Variants in CBLB observed in about 807,000 individuals in gnomAD.
The protein encoded by CBLB is E3 ubiquitin-protein ligase CBL-B.
In CBLB, 31 loss-of-function variants were observed where a neutral mutation model predicts 104.9. The ratio of observed to expected loss-of-function variants is 0.30; its 90% CI spans 0.22 to 0.40. CBLB has a LOEUF of 0.40. CBLB is among the 10% of genes least tolerant of loss of function. CBLB has a pLI of 1.00. For synonymous variants in CBLB, 440 were observed against 422.6 expected (o/e 1.04, Z -0.51); for missense variants, 1,062 against 1,214.6 (o/e 0.87, Z 1.87).
At chr3:105,709,736 G>C (rs905462860) in intron 10 of CBLB, among the ~76,000 whole-genome samples, 1 of 151,808 alleles carries the variant, frequency 6.6e-6, no homozygotes, top group African/African-American at 2.4e-5. Flanking sequence ...TAGTTTTTAA[G>C]GAAAGAATCA....
intron 4 of CBLB, among the ~76,000 whole-genome samples, chr3:105,756,594 T>C (rs7640740): frequency 0.52 from 79,055 of 151,920 alleles, 21,194 homozygotes; most frequent in Middle Eastern, 0.66. Flanking sequence ...TTTTTTGTAG[T>C]AGATACTAAA....
intron 3 of CBLB, among the ~76,000 whole-genome samples, chr3:105,809,362 T>C (rs1385832583): frequency 2.6e-5 from 4 of 152,180 alleles, no homozygotes; most frequent in African/African-American, 9.6e-5. Context: ...TCCTTAAAAA[T>C]TGTATCAACA....
chr3:105,719,662 T>C (rs2072473887), intron 10 of CBLB, among the ~76,000 whole-genome samples: 1 of 152,220 alleles, frequency 6.6e-6, no homozygotes, highest in African/African-American at 2.4e-5. Context: ...GTGATAATGA[T>C]AATAAATGAA....
chr3:105,710,238 C>T (rs2070867540), intron 10 of CBLB, among the ~76,000 whole-genome samples: 1 of 151,822 alleles, frequency 6.6e-6, no homozygotes, highest in Admixed American at 6.6e-5. Context: ...TAATGAATGA[C>T]TAAAGTATCA....
rs138652786 is a variant in CBLB, at chr3:105,714,614, G to A, written c.1407+5433C>T. On this transcript the variant is annotated intron_variant, in intron 10 of 18. Transcript: ENST00000394030. ...ATGTGAGAGGAGGCAGAGCTCAGGCGGTAATGCGAGCTGTGGGGAGTGGCT... is the reference window on the plus strand; with the variant it reads ...ATGTGAGAGGAGGCAGAGCTCAGGCAGTAATGCGAGCTGTGGGGAGTGGCT... Among the ~76,000 whole-genome samples, 431 of 152,226 alleles carry A rather than the reference G, an allele frequency of 2.8e-3. 3 individuals carry two copies. The highest frequency in any genetic ancestry group is 9.7e-3 in the African/African-American group (404 of 41,526).
rs185136526 is a variant in CBLB, at chr3:105,835,252, G to C, written c.419+18162C>G. On this transcript the variant is annotated intron_variant, in intron 3 of 18. Transcript: ENST00000394030. ...CTAAAAACGAGCTTCAGTTTGAAAA[G>C]AGTAACTTTGAAGTCAGATTTCTCA... Among the ~76,000 whole-genome samples, 65 of 152,248 alleles carry C rather than the reference G, an allele frequency of 4.3e-4. 1 individual carries two copies. The highest frequency in any genetic ancestry group is 1.6e-3 in the African/African-American group (65 of 41,548).
intron 4 of CBLB, among the ~76,000 whole-genome samples, chr3:105,767,913 G>GT (rs1297909055): frequency 6.6e-6 from 1 of 152,194 alleles, no homozygotes; most frequent in African/African-American, 2.4e-5. Context: ...TAATCTGGCT[G>GT]CAGAGCCTGC....
chr3:105,754,589 T>A (rs999968439), intron 4 of CBLB, among the ~76,000 whole-genome samples: 14 of 148,038 alleles, frequency 9.5e-5, no homozygotes, highest in African/African-American at 2.8e-4. Context: ...AACTCCAAGT[T>A]TTCACTAATC....
intron 9 of CBLB, among the ~76,000 whole-genome samples, chr3:105,730,733 T>C (rs2074228970): frequency 6.6e-6 from 1 of 152,120 alleles, no homozygotes; most frequent in South Asian, 2.1e-4. Context: ...GTTTGCATAT[T>C]TTTCATTAAT....
chr3:105,755,971 C>T (rs986296388), intron 4 of CBLB, among the ~76,000 whole-genome samples: 2 of 152,088 alleles, frequency 1.3e-5, no homozygotes, highest in Admixed American at 6.6e-5. Context: ...AAAATTTTGT[C>T]CTTTATGATC....
intron 17 of CBLB, 150 bp downstream of exon 17, chr3:105,678,281 G>C (rs541202327): frequency 5.1e-5 from 37 of 724,616 alleles, no homozygotes; most frequent in Non-Finnish European, 7.8e-5. Context: ...ACAAACAAAC[G>C]TACCCACGAT....
intron 3 of CBLB, among the ~76,000 whole-genome samples, chr3:105,832,628 T>C (rs1354433583): frequency 6.6e-6 from 1 of 152,190 alleles, no homozygotes; most frequent in Non-Finnish European, 1.5e-5. Context: ...TCTTTTTCCA[T>C]CTCCAGAAAG....
chr3:105,730,467 A>G (rs527857468), intron 9 of CBLB, among the ~76,000 whole-genome samples: 1 of 152,100 alleles, frequency 6.6e-6, no homozygotes, highest in Non-Finnish European at 1.5e-5. Flanking sequence ...CTTTTCTTTT[A>G]CATTACCTAG....
Position 105,668,948 on chromosome 3 carries a change from T to A in CBLB, c.2689+1285A>T, listed in dbSNP as rs146757077. ...TTTTGAAATAAGACAAAAGTTCATA[T>A]AGGAAAACTTCTGATATTCACAAAT... is the stretch of plus-strand genomic sequence containing the variant. On this transcript the variant is annotated intron_variant, in intron 18 of 18. Coordinates refer to ENST00000394030, the MANE Select transcript of CBLB (RefSeq NM_170662.5). Among the ~76,000 whole-genome samples the A allele has an allele frequency of 3.1e-3, 479 of 152,304 alleles. 4 individuals are homozygous for A. Among genetic ancestry groups the A allele is most frequent in the African/African-American group, 0.011 (444 of 41,582 alleles).
intron 2 of CBLB, among the ~76,000 whole-genome samples, chr3:105,866,053 T>C (rs2092410912): frequency 1.3e-5 from 2 of 152,212 alleles, no homozygotes; most frequent in Non-Finnish European, 2.9e-5. Context: ...TGCAATATTC[T>C]GACACTATGA....
chr3:105,707,028 A>T (rs1576492629), intron 10 of CBLB, among the ~76,000 whole-genome samples: 2 of 152,224 alleles, frequency 1.3e-5, no homozygotes, highest in South Asian at 4.1e-4. Context: ...AATTACTAAT[A>T]TTTAAGCAGT....
intron 3 of CBLB, among the ~76,000 whole-genome samples, chr3:105,826,152 A>T (rs977399676): frequency 1.3e-5 from 2 of 152,110 alleles, no homozygotes; most frequent in African/African-American, 4.8e-5. Context: ...GTTTATGGGG[A>T]CTCAAGTTAA....
At chr3:105,757,877 T>C (rs2077225514) in intron 4 of CBLB, among the ~76,000 whole-genome samples, 1 of 152,204 alleles carries the variant, frequency 6.6e-6, no homozygotes, top group Non-Finnish European at 1.5e-5. Context: ...CCCAACTCTA[T>C]TTCTAATTTT....
At chr3:105,704,250 G>A (rs1452377369) in intron 10 of CBLB, 77 bp from the exon 11 acceptor site, 1 of 1,364,050 alleles carries the variant, frequency 7.3e-7, no homozygotes, top group African/African-American at 1.4e-5. Flanking sequence ...AATATATTTG[G>A]TTGGAAGAAG....
Sources: gnomAD v4.1 joint callset for allele counts (sites outside exome capture counted in the v4.1 genomes callset) on GRCh38, gnomAD v4.1.1 for gene constraint, MANE v1.5 for transcripts, NCBI Gene and HGNC (gene_info 2026-07-23, HGNC 2026-07-21) for gene names.